The following CAMK1D variants were observed in gnomAD, a reference collection of about 807,000 sequenced individuals.
CAMK1D encodes calcium/calmodulin dependent protein kinase ID.
In CAMK1D, 9 loss-of-function variants were observed where a neutral mutation model predicts 47.7. The observed-to-expected ratio is 0.19, with a 90% confidence interval of 0.11 to 0.33. CAMK1D has a LOEUF of 0.33. Among genes scored for constraint, CAMK1D ranks in the 10% least tolerant of loss-of-function variants. The pLI is 1.00. For synonymous variants in CAMK1D, 184 were observed against 184.9 expected (o/e 0.99, Z 0.04); for missense variants, 291 against 488.7 (o/e 0.60, Z 3.81).
chr10:12,539,991 G>T (rs1181971092), intron 1 of CAMK1D, among the ~76,000 whole-genome samples: 2 of 152,118 alleles, frequency 1.3e-5, no homozygotes, highest in African/African-American at 2.4e-5. Context: ...ATAGCTCATT[G>T]TAACTTTGAA....
At chr10:12,546,834 G>A (rs1479849715) in intron 1 of CAMK1D, among the ~76,000 whole-genome samples, 2 of 151,890 alleles carry the variant, frequency 1.3e-5, no homozygotes, top group African/African-American at 4.8e-5. Flanking sequence ...GGGAGGGATA[G>A]CATTAGGAGA....
chr10:12,423,802 C>T (rs997456268), intron 1 of CAMK1D, among the ~76,000 whole-genome samples: 1 of 152,206 alleles, frequency 6.6e-6, no homozygotes, highest in South Asian at 2.1e-4. Flanking sequence ...GTTGGTTGTT[C>T]TGAGGTTTGG....
chr10:12,379,432 T>C (rs752481377), intron 1 of CAMK1D, among the ~76,000 whole-genome samples: 1 of 152,198 alleles, frequency 6.6e-6, no homozygotes, highest in Non-Finnish European at 1.5e-5. Flanking sequence ...GCCTGGTGTT[T>C]AAGTGCTCAA....
intron 2 of CAMK1D, among the ~76,000 whole-genome samples, chr10:12,643,053 G>A (rs978717452): frequency 6.6e-6 from 1 of 152,134 alleles, no homozygotes; most frequent in African/African-American, 2.4e-5. Context: ...CTGGGCTGGA[G>A]TGCAGTGGCG....
At chr10:12,773,182 A>G (rs373234913) in intron 5 of CAMK1D, among the ~76,000 whole-genome samples, 1 of 152,212 alleles carries the variant, frequency 6.6e-6, no homozygotes, top group Non-Finnish European at 1.5e-5. Flanking sequence ...TACTGAATTT[A>G]GTAAAAACAC....
chr10:12,488,219 C>T (rs1243841117), intron 1 of CAMK1D, among the ~76,000 whole-genome samples: 3 of 152,082 alleles, frequency 2.0e-5, no homozygotes, highest in Non-Finnish European at 4.4e-5. Flanking sequence ...GCCTTCCAAG[C>T]CCCCTGAAAT....
At position 12,827,273 on chromosome 10, in the gene CAMK1D, T is replaced by TTTC. The variant is rs1049476947; in HGVS notation, c.1040-1493_1040-1491dup. On this transcript the variant is annotated intron_variant, in intron 10 of 10. Transcript: ENST00000619168. ...CTTTCTTTCTTTTTCTTTCCTTCTC[T>TTTC]TTCTTTTCTTTTTCTTTCTTTCTTT... Among the ~76,000 whole-genome samples, 68 of 66,818 alleles carry TTTC rather than the reference T, an allele frequency of 1.0e-3. 2 individuals carry two copies. The highest frequency in any genetic ancestry group is 3.1e-3 in the African/African-American group (68 of 21,808). The allele number at this position is 66,818 out of a possible 152,430, so 43.8% of individuals were successfully genotyped here.
Position 12,668,651 on chromosome 10 carries a change from T to C in CAMK1D, c.299+1841T>C, listed in dbSNP as rs187722341. Among the ~76,000 whole-genome samples, 10 of 152,346 alleles carry C rather than the reference T, an allele frequency of 6.6e-5. No homozygotes were observed. The East Asian group carries it at 1.9e-3, about 29-fold the overall frequency. On this transcript the variant is annotated intron_variant, in intron 3 of 10. Coordinates refer to ENST00000619168, the MANE Select transcript of CAMK1D (RefSeq NM_153498.4). ...CGTGGTTTCTCTATGGATATCTGTA[T>C]CATTTCATCACTATGCCTCTACAGA... is the stretch of plus-strand genomic sequence containing the variant.
rs75092486 is a variant in CAMK1D at position 12,739,884 on chromosome 10, C to A, written c.300-21064C>A. Among the ~76,000 whole-genome samples, 383 of 152,122 alleles carry A rather than the reference C, an allele frequency of 2.5e-3. 5 individuals are homozygous for A. The East Asian group carries it at 0.034, about 13-fold the overall frequency. On this transcript the variant is annotated intron_variant, in intron 3 of 10. Transcript: ENST00000619168. ...GGTTGCCTTATTCTTAAAATAAGAC[C>A]AACAATAGCTTTCCTGTGAGAAGAA...
chr10:12,355,442 G>A (rs1002005234), intron 1 of CAMK1D, among the ~76,000 whole-genome samples: 1 of 152,040 alleles, frequency 6.6e-6, no homozygotes, highest in Admixed American at 6.6e-5. Flanking sequence ...CTTTTTTGGT[G>A]TATATGTGTT....
chr10:12,769,274 G>A (rs1836924519), intron 4 of CAMK1D, among the ~76,000 whole-genome samples: 1 of 152,158 alleles, frequency 6.6e-6, no homozygotes, highest in South Asian at 2.1e-4. Flanking sequence ...GAGACCCTTG[G>A]ATTCAAGAAA....
intron 2 of CAMK1D, among the ~76,000 whole-genome samples, chr10:12,561,666 G>A (rs1836948736): frequency 6.6e-6 from 1 of 152,186 alleles, no homozygotes; most frequent in African/African-American, 2.4e-5. Flanking sequence ...GTGCATGTCT[G>A]TAAGAGGAAA....
chr10:12,488,179 G>A (rs1834272512), intron 1 of CAMK1D, among the ~76,000 whole-genome samples: 1 of 152,176 alleles, frequency 6.6e-6, no homozygotes, highest in Non-Finnish European at 1.5e-5. Flanking sequence ...ACTGTTGAAT[G>A]GGTGCAGATT....
chr10:12,363,079 T>G (rs143629963), intron 1 of CAMK1D, among the ~76,000 whole-genome samples: 329 of 151,974 alleles, frequency 2.2e-3, no homozygotes, highest in African/African-American at 7.6e-3. Flanking sequence ...TAGCTGTGAC[T>G]ACTGGTGCAC....
intron 1 of CAMK1D, among the ~76,000 whole-genome samples, chr10:12,385,201 A>G (rs768662499): frequency 3.3e-5 from 5 of 152,212 alleles, no homozygotes; most frequent in African/African-American, 4.8e-5. Flanking sequence ...GTTCCTCAAG[A>G]GATTCAACAT....
intron 6 of CAMK1D, among the ~76,000 whole-genome samples, chr10:12,804,771 CAAAAAA>C (rs569089576): frequency 7.9e-6 from 1 of 126,270 alleles, no homozygotes; most frequent in African/African-American, 3.0e-5. Flanking sequence ...CTGTCTGTAC[CAAAAAA>C]AAAAAAAAAA....
chr10:12,811,650 G>A (rs1033457112), intron 6 of CAMK1D, among the ~76,000 whole-genome samples: 2 of 152,144 alleles, frequency 1.3e-5, no homozygotes, highest in Non-Finnish European at 1.5e-5. Flanking sequence ...GGCACCCAGA[G>A]AATAAATGTT....
Position 12,616,511 on chromosome 10 carries a change from TG to T in CAMK1D, c.225-50224del, listed in dbSNP as rs1438212012. Among the ~76,000 whole-genome samples, 21 of 13,390 alleles carry T rather than the reference TG, an allele frequency of 1.6e-3. No homozygotes were observed. In the South Asian group the frequency reaches 0.037, roughly 23 times the overall value. The allele number at this position is 13,390 out of a possible 152,430, so 8.8% of individuals were successfully genotyped here. On this transcript the variant is annotated intron_variant, in intron 2 of 10. Coordinates refer to ENST00000619168, the MANE Select transcript of CAMK1D (RefSeq NM_153498.4). ...AGTATCTTTTTGTTTGTTTGTTTTT[TG>T]TTGTTGTTGTTGTTGTTGTTTTTGA...
At chr10:12,649,612 A>G (rs1214551069) in intron 2 of CAMK1D, among the ~76,000 whole-genome samples, 1 of 152,218 alleles carries the variant, frequency 6.6e-6, no homozygotes, top group Non-Finnish European at 1.5e-5. Flanking sequence ...CCAGATAATG[A>G]CAGATCATGT....
Sources: gnomAD v4.1 joint callset for allele counts (sites outside exome capture counted in the v4.1 genomes callset) on GRCh38, gnomAD v4.1.1 for gene constraint, MANE v1.5 for transcripts, NCBI Gene and HGNC (gene_info 2026-07-23, HGNC 2026-07-21) for gene names.